PCDHA2: variants seen among roughly 807,000 people sequenced by gnomAD.
PCDHA2 encodes protocadherin alpha-2.
In PCDHA2, 58 loss-of-function variants were observed where a neutral mutation model predicts 66.0. The ratio of observed to expected loss-of-function variants is 0.88; its 90% confidence interval spans 0.71 to 1.09. The LOEUF (loss-of-function observed/expected upper bound fraction) is 1.09. Ranked by LOEUF, PCDHA2 falls within the 50% of genes least tolerant of loss-of-function variation. The pLI is 0.00. For missense variants in PCDHA2, 1,267 were observed against 1,242.3 expected (o/e 1.02, Z -0.30); for synonymous variants, 634 against 554.0 (o/e 1.14, Z -2.03).
chr5:141,003,291 G>C (rs1402781511), intron 3 of PCDHA2, among the ~76,000 whole-genome samples: 1 of 152,158 alleles, frequency 6.6e-6, no homozygotes, highest in Non-Finnish European at 1.5e-5. Flanking sequence ...TGGATTATAG[G>C]ATTACATGAA....
rs782151526 is a variant in PCDHA2, at chr5:140,795,322, G to A, written c.358G>A (p.Glu120Lys). Reference sequence around the variant, plus strand: ...CAGGCCGCTGCAGGTTTTCCATGTGGAAGTGGAGGTGAAGGACATTAACGA... The same window carrying A: ...CAGGCCGCTGCAGGTTTTCCATGTGAAAGTGGAGGTGAAGGACATTAACGA... Reference protein sequence around the residue: ...VDRPLQVFHVEVEVKDINDNP... With the variant: ...VDRPLQVFHVKVEVKDINDNP... The change falls in exon 1 of 4, where the codon GAA (glutamate) becomes AAA (lysine). Residue 120 changes from glutamate to lysine, a missense_variant. Physicochemically the swap from Glu to Lys is moderately conservative, Grantham distance 56 (BLOSUM62 1). Transcript: ENST00000526136. 1 of 1,614,218 alleles carries A rather than the reference G, an allele frequency of 6.2e-7. No homozygotes were observed. Among genetic ancestry groups the A allele is most frequent in the Non-Finnish European group, 8.5e-7 (1 of 1,180,036 alleles).
intron 1 of PCDHA2, chr5:140,927,024 G>A (rs1554203920): frequency 6.2e-7 from 1 of 1,612,408 alleles, no homozygotes. Flanking sequence ...CGGACTTGAG[G>A]CTGCCAGCGG....
Position 140,823,614 on chromosome 5 carries a change from G to A in PCDHA2, c.2388+26262G>A, listed in dbSNP as rs2150127435. 5.0e-6 allele frequency: 8 copies of A among 1,614,046 alleles called. No individual in the cohort carries two copies. The Admixed American group carries it at 1.3e-4, about 27-fold the overall frequency. The stretch of plus-strand genomic sequence containing the variant: ...GGCTTTCGTATGAGCTGCAGCCAGC[G>A]CCTGGCAGTGCGCGCATCCCGTTCC... On this transcript the variant is annotated intron_variant, in intron 1 of 3. Transcript: ENST00000526136.
intron 1 of PCDHA2, chr5:140,808,858 C>A: frequency 6.2e-7 from 1 of 1,613,088 alleles, no homozygotes; most frequent in Non-Finnish European, 8.5e-7. Flanking sequence ...TCGTGCTGGA[C>A]GAAAACGACA....
At chr5:140,869,179 G>A (rs782530772) in intron 1 of PCDHA2, 12 of 1,613,988 alleles carry the variant, frequency 7.4e-6, no homozygotes, top group Middle Eastern at 1.7e-4. Context: ...ATTCTGGGAG[G>A]TGGGGAGCGG....
At chr5:140,920,199 C>G (rs2079510871) in intron 1 of PCDHA2, among the ~76,000 whole-genome samples, 1 of 152,116 alleles carries the variant, frequency 6.6e-6, no homozygotes, top group African/African-American at 2.4e-5. Flanking sequence ...GTCACAGCAG[C>G]CACAGAAAAC....
At chr5:140,911,437 G>A (rs530362672) in intron 1 of PCDHA2, among the ~76,000 whole-genome samples, 3 of 152,166 alleles carry the variant, frequency 2.0e-5, no homozygotes, top group East Asian at 3.9e-4. Context: ...CCAATTTCCC[G>A]CAATTTCAGC....
At chr5:140,802,179 C>T (rs146951816) in intron 1 of PCDHA2, 889 of 1,614,140 alleles carry the variant, frequency 5.5e-4, no homozygotes, top group Non-Finnish European at 7.1e-4. Context: ...TAAAGGAAAT[C>T]CCCCAATGTC....
chr5:140,906,962 C>T (rs1554192812), intron 1 of PCDHA2, among the ~76,000 whole-genome samples: 2 of 152,146 alleles, frequency 1.3e-5, no homozygotes, highest in South Asian at 4.1e-4. Context: ...TTAATGGAAT[C>T]GTGGTTGTGT....
At chr5:140,851,158 C>G (rs2041978839) in intron 1 of PCDHA2, 1 of 1,299,046 alleles carries the variant, frequency 7.7e-7, no homozygotes, top group African/African-American at 1.5e-5. Context: ...ATTTCTGATG[C>G]TATGCTGCCA....
At chr5:140,924,464 G>A (rs1358240470) in intron 1 of PCDHA2, among the ~76,000 whole-genome samples, 1 of 152,196 alleles carries the variant, frequency 6.6e-6, no homozygotes, top group Non-Finnish European at 1.5e-5. Flanking sequence ...TGTTTAGGGA[G>A]GTAACTGGTT....
intron 1 of PCDHA2, chr5:140,875,864 C>A (rs781972677): frequency 3.7e-6 from 6 of 1,614,168 alleles, no homozygotes; most frequent in Admixed American, 3.3e-5. Context: ...GACAACCCGC[C>A]GGTGTTCAGA....
In PCDHA2 at chr5:140,935,762, C is replaced by T. The variant is rs187194530; in HGVS notation, c.2389-43187C>T. Among the ~76,000 whole-genome samples the T allele has an allele frequency of 2.5e-3, 386 of 152,162 alleles. 3 individuals are homozygous for T. The highest frequency in any genetic ancestry group is 0.018 in the South Asian group (87 of 4,822). On this transcript the variant is annotated intron_variant, in intron 1 of 3. Transcript: ENST00000526136. ...TTATTCCATACAATACACATTCTTC[C>T]CCACTTTGAGTTTTTTCACTTAAAA... is the stretch of plus-strand genomic sequence containing the variant.
chr5:140,967,700 G>A lies in PCDHA2; in HGVS notation c.2389-11249G>A. ...GGAGAGGCAGCTCTTCAGCATAGAT[G>A]CCAGTACCGGGGAAGTGCGAGTAAT... On this transcript the variant is annotated intron_variant, in intron 1 of 3. Transcript: ENST00000526136. 4 of 1,614,196 alleles carry A rather than the reference G, an allele frequency of 2.5e-6. No homozygotes were observed. In the South Asian group the frequency reaches 4.4e-5, roughly 18 times the overall value.
At chr5:140,940,667 T>A (rs1167360120) in intron 1 of PCDHA2, among the ~76,000 whole-genome samples, 5 of 152,224 alleles carry the variant, frequency 3.3e-5, no homozygotes, top group African/African-American at 1.2e-4. Context: ...TAAATCTTCA[T>A]CTGATAATTC....
intron 1 of PCDHA2, chr5:140,812,682 T>C (rs1304986293): frequency 6.6e-6 from 1 of 152,230 alleles, no homozygotes; most frequent in Non-Finnish European, 1.5e-5. Context: ...GGCACGATCA[T>C]AGCTCCCTGC....
At chr5:140,803,860 A>G in intron 1 of PCDHA2, 2 of 576,076 alleles carry the variant, frequency 3.5e-6, no homozygotes, top group Non-Finnish European at 6.0e-6. Flanking sequence ...ATGCCTGGGT[A>G]TAAGACAAAT....
intron 1 of PCDHA2, among the ~76,000 whole-genome samples, chr5:140,978,254 A>T (rs2096794173): frequency 6.6e-6 from 1 of 152,228 alleles, no homozygotes; most frequent in Non-Finnish European, 1.5e-5. Context: ...TCCCTGTTAA[A>T]CAATCAGAGC....
chr5:140,922,257 G>A (rs2080747240), intron 1 of PCDHA2, among the ~76,000 whole-genome samples: 5 of 152,172 alleles, frequency 3.3e-5, no homozygotes, highest in Admixed American at 3.3e-4. Context: ...AAGTTACTAA[G>A]TGCCATGAAG....
Sources: allele counts gnomAD v4.1 joint callset (sites outside exome capture counted in the v4.1 genomes callset), GRCh38; gene constraint gnomAD v4.1.1; transcripts MANE v1.5; gene names NCBI Gene and HGNC (gene_info 2026-07-23, HGNC 2026-07-21).